COL28A1: variants seen among roughly 807,000 people sequenced by gnomAD.
COL28A1 encodes the protein collagen type XXVIII alpha 1 chain, also known as collagen alpha-1(XXVIII) chain.
A neutral mutation model predicts 150.2 loss-of-function variants in COL28A1; 161 were observed. That is an observed-to-expected ratio of 1.07 (90% CI 0.94 to 1.22). The LOEUF (loss-of-function observed/expected upper bound fraction) is 1.22. Among genes scored for constraint, COL28A1 ranks in the 50% most tolerant of loss-of-function variants. COL28A1 has a pLI of 0.00. For missense variants in COL28A1, 1,617 were observed against 1,388.3 expected (o/e 1.16, Z -2.62); for synonymous variants, 552 against 469.7 (o/e 1.18, Z -2.26).
chr7:7,485,393 T>A (rs1779572387), intron 13 of COL28A1, among the ~76,000 whole-genome samples: 1 of 152,126 alleles, frequency 6.6e-6, no homozygotes, highest in Admixed American at 6.5e-5. Flanking sequence ...TTTGTGAATA[T>A]TTTCTCCCAA....
chr7:7,469,741 G>T (rs1248513968), intron 15 of COL28A1, among the ~76,000 whole-genome samples: 4 of 42,758 alleles, frequency 9.4e-5, no homozygotes, highest in Admixed American at 3.5e-4. Context: ...AAAACAGCAT[G>T]GTACTGGTAC....
At chr7:7,419,355 C>T (rs937609035) in intron 26 of COL28A1, among the ~76,000 whole-genome samples, 23 of 152,082 alleles carry the variant, frequency 1.5e-4, no homozygotes, top group African/African-American at 5.1e-4. Flanking sequence ...AACAAAGTCT[C>T]CCTCTTTGAG....
intron 13 of COL28A1, among the ~76,000 whole-genome samples, chr7:7,482,249 G>A (rs1372737542): frequency 2.0e-5 from 3 of 152,176 alleles, no homozygotes; most frequent in Non-Finnish European, 4.4e-5. Flanking sequence ...TGTTGGCTGA[G>A]CATGGTGGCT....
chr7:7,422,332 T>C (rs890518460), intron 25 of COL28A1, among the ~76,000 whole-genome samples: 1 of 152,030 alleles, frequency 6.6e-6, no homozygotes. Context: ...GTGAAAAGGT[T>C]AGGAAGGATA....
At chr7:7,528,057 G>C (rs1039866968) in intron 3 of COL28A1, among the ~76,000 whole-genome samples, 23 of 152,172 alleles carry the variant, frequency 1.5e-4, no homozygotes, top group African/African-American at 5.5e-4. Context: ...GGATTCTAAA[G>C]ATGATATAGA....
intron 13 of COL28A1, among the ~76,000 whole-genome samples, chr7:7,488,064 T>C (rs1045345566): frequency 3.3e-5 from 5 of 152,202 alleles, no homozygotes; most frequent in African/African-American, 1.2e-4. Context: ...GACTTCAAGT[T>C]ATAAAGAACT....
downstream of COL28A1, among the ~76,000 whole-genome samples, chr7:7,352,858 C>T (rs964819042): frequency 1.3e-5 from 2 of 152,144 alleles, no homozygotes; most frequent in Non-Finnish European, 2.9e-5. Flanking sequence ...CTCAGCCTGA[C>T]GTCAGTGTGC....
chr7:7,522,333 C>A (rs1325049276), intron 4 of COL28A1, among the ~76,000 whole-genome samples: 1 of 152,042 alleles, frequency 6.6e-6, no homozygotes, highest in Non-Finnish European at 1.5e-5. Context: ...AATTTCTGAT[C>A]CTTCTCTTCT....
intron 23 of COL28A1, among the ~76,000 whole-genome samples, chr7:7,433,442 T>G (rs546375636): frequency 6.6e-6 from 1 of 152,032 alleles, no homozygotes; most frequent in African/African-American, 2.4e-5. Flanking sequence ...AAGACCAGCC[T>G]GGCCAACACG....
At position 7,375,567 on chromosome 7, in the gene COL28A1, T is replaced by C. The variant is rs1583240775; in HGVS notation, c.2323-70A>G. The C allele has an allele frequency of 1.5e-5, 15 of 1,016,952 alleles. No homozygotes were observed. In the East Asian group the frequency reaches 4.0e-4, roughly 27 times the overall value. The allele number at this position is 1,016,952 out of a possible 1,614,324, so 63.0% of individuals were successfully genotyped here. A position where few individuals can be genotyped will look rare whatever the true frequency, so the allele number is the denominator to read the frequency against. On this transcript the variant is annotated intron_variant, in intron 30 of 34. Transcript: ENST00000399429. ...ATATTTTTCCTAGAGCCATAAAAGA[T>C]ATCTCATTACAATCAGCACTGGACC... is the stretch of plus-strand genomic sequence containing the variant.
chr7:7,489,216 G>C (rs1436655697), intron 13 of COL28A1, among the ~76,000 whole-genome samples, 173 bp downstream of exon 13: 1 of 152,186 alleles, frequency 6.6e-6, no homozygotes, highest in African/African-American at 2.4e-5. Context: ...GTTGCAGTGA[G>C]CCGAGATCAT....
In COL28A1 at chr7:7,381,625, T is replaced by C. The variant is rs573610613; in HGVS notation, c.2137-13A>G. The C allele has an allele frequency of 1.9e-6, 3 of 1,603,954 alleles. No individual in the cohort carries two copies. Among genetic ancestry groups the C allele is most frequent in the East Asian group, 4.5e-5 (2 of 44,804 alleles). The stretch of plus-strand genomic sequence containing the variant: ...GTCCTTGTTCCCCCTACATAGGATA[T>C]GAGAAAGAGATGTTCTATTAATTTC... On this transcript the variant is annotated splice_polypyrimidine_tract_variant and intron_variant, in intron 27 of 34. Coordinates refer to ENST00000399429, the MANE Select transcript of COL28A1 (RefSeq NM_001037763.3).
At chr7:7,498,840 T>C (rs969379665) in intron 11 of COL28A1, among the ~76,000 whole-genome samples, 4 of 152,070 alleles carry the variant, frequency 2.6e-5, no homozygotes, top group African/African-American at 9.7e-5. Flanking sequence ...AGCCACTTTG[T>C]GGGAAATGTT....
the COL28A1 span, among the ~76,000 whole-genome samples, chr7:7,345,468 T>G: frequency 6.6e-6 from 1 of 152,118 alleles, no homozygotes; most frequent in Non-Finnish European, 1.5e-5. Flanking sequence ...TAGATCCAAA[T>G]TACCATCTGG....
chr7:7,497,135 AAGG>A (rs1780263681), intron 11 of COL28A1, among the ~76,000 whole-genome samples: 1 of 151,818 alleles, frequency 6.6e-6, no homozygotes, highest in Non-Finnish European at 1.5e-5. Flanking sequence ...GGAAGGAAAG[AAGG>A]ATCAATATTT....
At chr7:7,353,952 T>C (rs910228883), downstream of COL28A1, among the ~76,000 whole-genome samples, 7 of 151,926 alleles carry the variant, frequency 4.6e-5, no homozygotes, top group African/African-American at 1.7e-4. Flanking sequence ...CAACAAAAAA[T>C]ATGGTAAAGG....
At chr7:7,480,390 G>A (rs1016110740) in intron 13 of COL28A1, among the ~76,000 whole-genome samples, 1 of 152,060 alleles carries the variant, frequency 6.6e-6, no homozygotes. Context: ...CTTAATGAAA[G>A]CACTAATATC....
chr7:7,373,701 GTTTC>G lies in COL28A1; in HGVS notation c.2360-159_2360-156del, dbSNP rs556129923. Among the ~76,000 whole-genome samples the G allele has an allele frequency of 0.013, 1,197 of 89,862 alleles. 20 individuals carry two copies. Among genetic ancestry groups the G allele is most frequent in the African/African-American group, 0.032 (1,148 of 35,876 alleles). The allele number at this position is 89,862 out of a possible 152,430, so 59.0% of individuals were successfully genotyped here. Reference sequence around the variant, plus strand: ...ATACCTGACAGCTGTCTCCATTCTGGTTTCTTTTTTTTTTTGTGAGACAGAGTCT... The same window carrying G: ...ATACCTGACAGCTGTCTCCATTCTGGTTTTTTTTTTTGTGAGACAGAGTCT... On this transcript the variant is annotated intron_variant, in intron 31 of 34. Coordinates refer to ENST00000399429, the MANE Select transcript of COL28A1 (RefSeq NM_001037763.3). The surrounding 1 kb of genome is among the most constrained non-coding windows in gnomAD (Gnocchi z 4.1).
intron 30 of COL28A1, among the ~76,000 whole-genome samples, chr7:7,376,563 C>G (rs1044917220): frequency 2.6e-5 from 4 of 151,822 alleles, no homozygotes; most frequent in African/African-American, 9.7e-5. Flanking sequence ...TTTTCTAGGC[C>G]TTGTCATGCT....
Sources: gnomAD v4.1 joint callset for allele counts (sites outside exome capture counted in the v4.1 genomes callset) on GRCh38, gnomAD v4.1.1 for gene constraint, Gnocchi (gnomAD v3.1) non-coding constraint, MANE v1.5 for transcripts, NCBI Gene and HGNC (gene_info 2026-07-23, HGNC 2026-07-21) for gene names.